LDB1: variants seen among roughly 807,000 people sequenced by gnomAD.
The protein encoded by LDB1 is LIM domain binding 1, also known as LIM domain-binding protein 1.
In LDB1, 6 loss-of-function variants were observed where a neutral mutation model predicts 49.7. The ratio of observed to expected loss-of-function variants is 0.12; its 90% CI spans 0.07 to 0.24. The LOEUF (loss-of-function observed/expected upper bound fraction) is 0.24, where lower values mean the gene tolerates loss of function less well. LDB1 is among the 10% of genes least tolerant of loss of function. The probability of loss-of-function intolerance (pLI) is 1.00; values close to 1 mark genes in which losing one functional copy is unlikely to be tolerated. For synonymous variants in LDB1, 233 were observed against 202.0 expected (o/e 1.15, Z -1.30); for missense variants, 341 against 561.7 (o/e 0.61, Z 3.97).
chr10:102,119,071 G>A (rs375545735), intron 1 of LDB1, among the ~76,000 whole-genome samples: 1 of 152,178 alleles, frequency 6.6e-6, no homozygotes, highest in Non-Finnish European at 1.5e-5. Context: ...GGGGATTTGT[G>A]GGGGAGTGGT....
In LDB1 at chr10:102,107,367, A is replaced by G. The variant is rs2068177998; in HGVS notation, c.*726T>C. Among the ~76,000 whole-genome samples, 1 of 151,984 alleles carries G rather than the reference A, an allele frequency of 6.6e-6. No homozygotes were observed. Among genetic ancestry groups the G allele is most frequent in the Non-Finnish European group, 1.5e-5 (1 of 67,986 alleles). ...CCTACCCCATGGCATGCTTTCCTCAACTGCAGTCACCCCAGAGGAAAGGGG... is the reference window on the plus strand; with the variant it reads ...CCTACCCCATGGCATGCTTTCCTCAGCTGCAGTCACCCCAGAGGAAAGGGG... On this transcript the variant is annotated 3_prime_UTR_variant, in exon 11 of 11. Coordinates refer to ENST00000673968, the MANE Select transcript of LDB1 (RefSeq NM_001113407.3).
intron 1 of LDB1, among the ~76,000 whole-genome samples, chr10:102,113,223 GCA>G (rs933493121): frequency 1.1e-4 from 16 of 152,330 alleles, no homozygotes; most frequent in African/African-American, 1.4e-4. Flanking sequence ...GTCCCAGACT[GCA>G]CAGTCTCTGA....
downstream of LDB1, among the ~76,000 whole-genome samples, chr10:102,102,596 G>T (rs2068129182): frequency 6.6e-6 from 1 of 152,164 alleles, no homozygotes; most frequent in African/African-American, 2.4e-5. Flanking sequence ...GAAGGAATCT[G>T]GAAGTGTGAG....
rs1400443535 is a variant in LDB1, at chr10:102,107,747, T to C, written c.*346A>G. On this transcript the variant is annotated 3_prime_UTR_variant, in exon 11 of 11. Transcript: ENST00000673968. The stretch of plus-strand genomic sequence containing the variant: ...CTGTGGGTATAGACAACCCCAGGCT[T>C]GAAAGGGGTAAAGTCAGGGGGATGG... The C allele has an allele frequency of 5.9e-6, 2 of 338,094 alleles. No homozygotes were observed. Among genetic ancestry groups the C allele is most frequent in the Admixed American group, 4.6e-5 (1 of 21,638 alleles). The allele number at this position is 338,094 out of a possible 1,614,324, so 20.9% of individuals were successfully genotyped here. A position where few individuals can be genotyped will look rare whatever the true frequency, so the allele number is the denominator to read the frequency against.
intron 1 of LDB1, among the ~76,000 whole-genome samples, chr10:102,115,280 A>G (rs996491318): frequency 2.0e-5 from 3 of 152,082 alleles, no homozygotes; most frequent in Non-Finnish European, 4.4e-5. Flanking sequence ...GGCCAAAGCC[A>G]CTGGCAGAGA....
intron 1 of LDB1, among the ~76,000 whole-genome samples, chr10:102,113,565 C>T (rs2068286700): frequency 1.3e-5 from 2 of 152,162 alleles, no homozygotes; most frequent in Admixed American, 1.3e-4. Context: ...ACTCACACAG[C>T]CCACCAGAGG....
chr10:102,105,975 T>C (rs1312627707), downstream of LDB1, among the ~76,000 whole-genome samples: 2 of 151,852 alleles, frequency 1.3e-5, no homozygotes, highest in African/African-American at 4.8e-5. Flanking sequence ...AGACTCCATC[T>C]CAAAATAAAT....
At chr10:102,112,219 A>C (rs776511244) in intron 1 of LDB1, among the ~76,000 whole-genome samples, 1 of 152,198 alleles carries the variant, frequency 6.6e-6, no homozygotes, top group Admixed American at 6.5e-5. Context: ...ACTTTCACTC[A>C]ATCATCAAAA....
At chr10:102,114,874 C>T (rs1302664252) in intron 1 of LDB1, 6 of 982,978 alleles carry the variant, frequency 6.1e-6, no homozygotes, top group African/African-American at 5.3e-5. Context: ...AGGCAGGACC[C>T]GGCACTCACA....
In LDB1 at chr10:102,117,427, G is replaced by T. The variant is rs1189905288; in HGVS notation, c.25+2659C>A. Among the ~76,000 whole-genome samples, 1 of 152,168 alleles carries T rather than the reference G, an allele frequency of 6.6e-6. No individual in the cohort carries two copies. The highest frequency in any genetic ancestry group is 6.5e-5 in the Admixed American group (1 of 15,278). ...CTTAGAATTGGTGGTGAGGTGGAGGGAGCAGCAAATAATGACAAAGATGAT... is the reference window on the plus strand; with the variant it reads ...CTTAGAATTGGTGGTGAGGTGGAGGTAGCAGCAAATAATGACAAAGATGAT... On this transcript the variant is annotated intron_variant, in intron 1 of 10. Coordinates refer to ENST00000673968, the MANE Select transcript of LDB1 (RefSeq NM_001113407.3). This position sits in a 1 kb window ranked among gnomAD's most constrained non-coding sequence, Gnocchi z 4.2.
downstream of LDB1, among the ~76,000 whole-genome samples, chr10:102,105,453 T>A (rs2068149571): frequency 6.6e-6 from 1 of 151,944 alleles, no homozygotes; most frequent in South Asian, 2.1e-4. Context: ...TTATTTCAGG[T>A]CCAGGGAGAA....
intron 1 of LDB1, chr10:102,114,811 A>C: frequency 1.0e-4 from 88 of 883,050 alleles, no homozygotes; most frequent in East Asian, 1.2e-4. Context: ...GCCTCCGAGC[A>C]GCCCGCCCGC....
chr10:102,107,087 C>T lies in LDB1; in HGVS notation c.*1006G>A, dbSNP rs1356987731. Among the ~76,000 whole-genome samples, 2 of 152,094 alleles carry T rather than the reference C, an allele frequency of 1.3e-5. No homozygotes were observed. Among genetic ancestry groups the T allele is most frequent in the Non-Finnish European group, 2.9e-5 (2 of 68,012 alleles). The stretch of plus-strand genomic sequence containing the variant: ...GAGCCCCTCTCCCATCCCATGCCTG[C>T]CCAACTGAAACAAAACCAAAAATAC... On this transcript the variant is annotated 3_prime_UTR_variant, in exon 11 of 11. Coordinates refer to ENST00000673968, the MANE Select transcript of LDB1 (RefSeq NM_001113407.3).
rs558516308 is a variant in LDB1 at position 102,106,541 on chromosome 10, C to CAAAAAAA, written c.*1545_*1551dup. On this transcript the variant is annotated 3_prime_UTR_variant, in exon 11 of 11. Coordinates refer to ENST00000673968, the MANE Select transcript of LDB1 (RefSeq NM_001113407.3). Reference sequence around the variant, plus strand: ...GGTACCATACATGACTCAAATGGCCCAAAAAAAAAAAAAAAAAAAAAAAAA... The same window carrying CAAAAAAA: ...GGTACCATACATGACTCAAATGGCCCAAAAAAAAAAAAAAAAAAAAAAAAAAAAAAAA... Among the ~76,000 whole-genome samples, 9 of 17,780 alleles carry CAAAAAAA rather than the reference C, an allele frequency of 5.1e-4. 3 individuals carry two copies. The highest frequency in any genetic ancestry group is 8.4e-4 in the Non-Finnish European group (8 of 9,520). 11.7% of individuals were successfully genotyped at this position (17,780 alleles called of 152,430 possible).
In LDB1 at chr10:102,107,532, T is replaced by C. The variant is rs1259784619; in HGVS notation, c.*561A>G. On this transcript the variant is annotated 3_prime_UTR_variant, in exon 11 of 11. Transcript: ENST00000673968. ...AGTAGGGAGGTAGCTGGACTTTTAA[T>C]AGGGGGAAGAGGGGGGGACATGAGT... 6.5e-6 allele frequency: 1 copy of C among 152,874 alleles called. No homozygotes were observed. Among genetic ancestry groups the C allele is most frequent in the African/African-American group, 2.4e-5 (1 of 41,252 alleles). The allele number at this position is 152,874 out of a possible 1,614,324, so 9.5% of individuals were successfully genotyped here.
Position 102,108,298 on chromosome 10 carries a change from G to A in LDB1, c.1031C>T (p.Thr344Ile). The A allele has an allele frequency of 6.2e-7, 1 of 1,613,964 alleles. No homozygotes were observed. ...GTCCCCGAACTCCCCGCCCATCAGGGTGGGCTCCCCCACCACCATCACATC... is the reference window on the plus strand; with the variant it reads ...GTCCCCGAACTCCCCGCCCATCAGGATGGGCTCCCCCACCACCATCACATC... ...VPDVMVVGEP[T>I]LMGGEFGDED... is the part of the protein sequence containing the mutation. The change falls in exon 11 of 11, where the codon ACC (threonine) becomes ATC (isoleucine). Residue 344 changes from threonine (T) to isoleucine (I), a missense_variant. Thr to Ile is a moderately conservative substitution (Grantham distance 89). Coordinates refer to ENST00000673968, the MANE Select transcript of LDB1 (RefSeq NM_001113407.3).
chr10:102,114,298 C>T lies in LDB1; in HGVS notation c.26-2762G>A, dbSNP rs553550609. The stretch of plus-strand genomic sequence containing the variant: ...CACAGGTCAGCAGGCCTGAGCGCCC[C>T]GGCGGCTCTGGGCTGGGGCACCTCT... On this transcript the variant is annotated intron_variant, in intron 1 of 10. Coordinates refer to ENST00000673968, the MANE Select transcript of LDB1 (RefSeq NM_001113407.3). 3,599 of 982,756 alleles carry T rather than the reference C, an allele frequency of 3.7e-3. 9 individuals are homozygous for T. Among genetic ancestry groups the T allele is most frequent in the Non-Finnish European group, 4.2e-3 (3,435 of 827,092 alleles). 60.9% of individuals were successfully genotyped at this position (982,756 alleles called of 1,614,324 possible).
chr10:102,107,951 A>G lies in LDB1; in HGVS notation c.*142T>C, dbSNP rs2068189899. The G allele has an allele frequency of 1.3e-6, 1 of 751,746 alleles. No individual in the cohort carries two copies. Among genetic ancestry groups the G allele is most frequent in the Non-Finnish European group, 2.3e-6 (1 of 443,754 alleles). The allele number at this position is 751,746 out of a possible 1,614,324, so 46.6% of individuals were successfully genotyped here. ...GGGGCAAATCTTGGCACCTGCCCCC[A>G]GAGAGTCCAGTTCCTCCCTGAAGCG... is the stretch of plus-strand genomic sequence containing the variant. On this transcript the variant is annotated 3_prime_UTR_variant, in exon 11 of 11. Transcript: ENST00000673968.
chr10:102,110,619 G>A lies in LDB1; in HGVS notation c.435C>T (p.His145=). 1 of 1,614,044 alleles carries A rather than the reference G, an allele frequency of 6.2e-7. No individual in the cohort carries two copies. Among genetic ancestry groups the A allele is most frequent in the South Asian group, 1.1e-5 (1 of 91,078 alleles). Residue 145 remains histidine (H), a synonymous_variant, in exon 6 of 11, where the codon CAC becomes CAT. Coordinates refer to ENST00000673968, the MANE Select transcript of LDB1 (RefSeq NM_001113407.3). ...GATELYYVLK[H]PKEAFHSNFV... Reference sequence around the variant, plus strand: ...AGTTGCTGTGGAATGCCTCCTTGGGGTGCTTAAGAACATAGTACAGCTCCG... The same window carrying A: ...AGTTGCTGTGGAATGCCTCCTTGGGATGCTTAAGAACATAGTACAGCTCCG...
Sources: allele counts gnomAD v4.1 joint callset (sites outside exome capture counted in the v4.1 genomes callset), GRCh38; gene constraint gnomAD v4.1.1; non-coding constraint Gnocchi (gnomAD v3.1); transcripts MANE v1.5; gene names NCBI Gene and HGNC (gene_info 2026-07-23, HGNC 2026-07-21).